PTPRK: variants seen among roughly 807,000 people sequenced by gnomAD.
PTPRK encodes receptor-type tyrosine-protein phosphatase kappa.
Under a neutral mutation model 178.0 loss-of-function variants are expected in PTPRK, and 75 were observed. The ratio of observed to expected loss-of-function variants is 0.42; its 90% CI spans 0.35 to 0.51. The LOEUF (loss-of-function observed/expected upper bound fraction) is 0.51. Ranked by LOEUF, PTPRK falls within the 20% of genes least tolerant of loss-of-function variation. The probability of loss-of-function intolerance (pLI) is 0.02; values close to 1 mark genes in which losing one functional copy is unlikely to be tolerated. For missense variants in PTPRK, 1,441 were observed against 1,797.8 expected, an observed-to-expected ratio of 0.80 and a Z score of 3.59; for synonymous variants, 637 against 620.6, an observed-to-expected ratio of 1.03 and a Z score of -0.39.
chr6:128,432,835 T>C (rs34741403), intron 1 of PTPRK, among the ~76,000 whole-genome samples: 1 of 152,142 alleles, frequency 6.6e-6, no homozygotes, highest in Non-Finnish European at 1.5e-5. Context: ...TTTTATTCGG[T>C]ATTTTCATTA....
intron 2 of PTPRK, among the ~76,000 whole-genome samples, chr6:128,376,144 T>C (rs552811637): frequency 2.0e-5 from 3 of 152,136 alleles, no homozygotes; most frequent in Non-Finnish European, 4.4e-5. Flanking sequence ...GGTGCCCCAG[T>C]AAGGTACTCA....
intron 1 of PTPRK, chr6:128,500,686 C>A (rs1488719016): frequency 6.6e-6 from 1 of 152,076 alleles, no homozygotes; most frequent in Non-Finnish European, 1.5e-5. Context: ...TTTATTAATT[C>A]TGAATATTAT....
intron 7 of PTPRK, among the ~76,000 whole-genome samples, chr6:128,180,383 T>G (rs901562240): frequency 1.3e-5 from 2 of 151,718 alleles, no homozygotes; most frequent in Non-Finnish European, 2.9e-5. Context: ...AATTAAAAAT[T>G]TATGAAGTGC....
At chr6:127,981,853 G>T (rs770488915) in intron 24 of PTPRK, among the ~76,000 whole-genome samples, 8 of 151,916 alleles carry the variant, frequency 5.3e-5, no homozygotes, top group Non-Finnish European at 8.8e-5. Flanking sequence ...TTTGAGACAG[G>T]GTCTTACTCT....
intron 5 of PTPRK, among the ~76,000 whole-genome samples, chr6:128,236,078 G>T (rs1435216542): frequency 1.3e-5 from 2 of 152,056 alleles, no homozygotes; most frequent in East Asian, 1.9e-4. Flanking sequence ...GTATATGTGG[G>T]GTTTGGTACT....
At position 128,030,743 on chromosome 6, in the gene PTPRK, C is replaced by T. The variant is rs1775179174; in HGVS notation, c.2195-21475G>A. Among the ~76,000 whole-genome samples, 3 of 152,146 alleles carry T rather than the reference C, an allele frequency of 2.0e-5. No homozygotes were observed. The South Asian group carries it at 6.2e-4, about 32-fold the overall frequency. On this transcript the variant is annotated intron_variant, in intron 13 of 29. Coordinates refer to ENST00000368226, the MANE Select transcript of PTPRK (RefSeq NM_002844.4). ...TTCTCTGTATAAAGCTTGTGCACAT[C>T]AGGCTTGCTTTTTTTCCCCCAAGTC...
chr6:128,179,783 ATAGAC>A (rs748120275), intron 7 of PTPRK, among the ~76,000 whole-genome samples: 14 of 152,070 alleles, frequency 9.2e-5, no homozygotes, highest in Non-Finnish European at 1.8e-4. Context: ...TGATGATGCT[ATAGAC>A]TAAAGGCTAA....
chr6:128,212,232 C>T (rs149022030), intron 6 of PTPRK, among the ~76,000 whole-genome samples: 2,156 of 151,870 alleles, frequency 0.014, 20 homozygotes, highest in African/African-American at 0.03. Flanking sequence ...ACTATGTATG[C>T]GATTTTTTTG....
At chr6:128,466,220 CT>C (rs1457104727) in intron 1 of PTPRK, among the ~76,000 whole-genome samples, 2 of 152,164 alleles carry the variant, frequency 1.3e-5, no homozygotes, top group Non-Finnish European at 2.9e-5. Context: ...ATAGTATCTA[CT>C]GCCAAGTCTT....
chr6:128,314,840 T>TAA (rs1187331995), intron 3 of PTPRK, among the ~76,000 whole-genome samples: 2 of 139,890 alleles, frequency 1.4e-5, no homozygotes, highest in African/African-American at 2.6e-5. Context: ...CACCACTATT[T>TAA]AAAAAAAAAA....
At chr6:128,207,047 T>C (rs1426251084) in intron 6 of PTPRK, among the ~76,000 whole-genome samples, 1 of 152,162 alleles carries the variant, frequency 6.6e-6, no homozygotes, top group Non-Finnish European at 1.5e-5. Flanking sequence ...GCAAAACCCT[T>C]TGGTTGCAAA....
In PTPRK at chr6:128,011,315, ATGATCCCTTAG is replaced by A. The variant is rs1276450133; in HGVS notation, c.2195-2058_2195-2048del. ...ACTTGGCTTTCAGGGGCTAATGATA[ATGATCCCTTAG>A]TGATTTTCTGACATATCTGAGTTAT... is the stretch of plus-strand genomic sequence containing the variant. On this transcript the variant is annotated intron_variant, in intron 13 of 29. Transcript: ENST00000368226. Among the ~76,000 whole-genome samples, 6 of 151,210 alleles carry A rather than the reference ATGATCCCTTAG, an allele frequency of 4.0e-5. No homozygotes were observed. In the Admixed American group the frequency reaches 4.0e-4, roughly 10 times the overall value.
In PTPRK at chr6:127,995,393, G is replaced by T. The variant is rs139135615; in HGVS notation, c.2844+69C>A. Reference sequence around the variant, plus strand: ...TTAAAAAGCTAGCAATCACTTTATAGGTAATAAGCAAAAAGGTTCATATAT... The same window carrying T: ...TTAAAAAGCTAGCAATCACTTTATATGTAATAAGCAAAAAGGTTCATATAT... On this transcript the variant is annotated intron_variant, in intron 18 of 29. Coordinates refer to ENST00000368226, the MANE Select transcript of PTPRK (RefSeq NM_002844.4). The T allele has an allele frequency of 9.2e-4, 1,367 of 1,483,688 alleles. 14 individuals are homozygous for T. The African/African-American group carries it at 0.013, about 14-fold the overall frequency. 91.9% of individuals were successfully genotyped at this position (1,483,688 alleles called of 1,614,324 possible).
At chr6:128,085,465 T>G (rs974223846) in intron 8 of PTPRK, among the ~76,000 whole-genome samples, 6 of 152,202 alleles carry the variant, frequency 3.9e-5, no homozygotes, top group African/African-American at 1.2e-4. Context: ...TCATAGAAGG[T>G]GGCTAATGGG....
chr6:128,435,934 A>G (rs1469961763), intron 1 of PTPRK, among the ~76,000 whole-genome samples: 1 of 152,020 alleles, frequency 6.6e-6, no homozygotes, highest in Non-Finnish European at 1.5e-5. Context: ...TAGTTTAATT[A>G]AATAAGTCAA....
In PTPRK at chr6:128,005,253, G is replaced by A. The variant is rs377674651; in HGVS notation, c.2334-9C>T. 2.8e-4 allele frequency: 448 copies of A among 1,610,508 alleles called. 1 individual carries two copies. In the African/African-American group the frequency reaches 5.4e-3, roughly 19 times the overall value. On this transcript the variant is annotated splice_polypyrimidine_tract_variant and intron_variant, in intron 14 of 29. Transcript: ENST00000368226. ...GTTTTTTAGCAAGTTTGCTGCCAAG[G>A]CAAATACAAAAGGGCATCCTTAGTG...
intron 1 of PTPRK, among the ~76,000 whole-genome samples, chr6:128,442,936 G>T (rs997376494): frequency 2.0e-5 from 3 of 152,098 alleles, no homozygotes; most frequent in Admixed American, 2.0e-4. Context: ...TATTGTAAAA[G>T]GAATTTGAAT....
intron 3 of PTPRK, among the ~76,000 whole-genome samples, chr6:128,286,410 C>A (rs72967026): frequency 0.066 from 10,105 of 152,050 alleles, 376 homozygotes; most frequent in Non-Finnish European, 0.07. Flanking sequence ...AATCTTTTTT[C>A]ACATTTTTTT....
At position 128,464,612 on chromosome 6, in the gene PTPRK, TAC is replaced by T. The variant is rs1196416722; in HGVS notation, c.100+55645_100+55646del. 5.7e-4 allele frequency among the ~76,000 whole-genome samples: 65 copies of T among 113,724 alleles called. 1 individual carries two copies. The highest frequency in any genetic ancestry group is 2.2e-3 in the African/African-American group (62 of 28,198). 74.6% of individuals were successfully genotyped at this position (113,724 alleles called of 152,430 possible). The stretch of plus-strand genomic sequence containing the variant: ...TTATTTTAGTTTAAATATATATATA[TAC>T]ATATACATATATATATATATACACA... On this transcript the variant is annotated intron_variant, in intron 1 of 29. Transcript: ENST00000368226.
Sources: allele counts gnomAD v4.1 joint callset (sites outside exome capture counted in the v4.1 genomes callset), GRCh38; gene constraint gnomAD v4.1.1; transcripts MANE v1.5; gene names NCBI Gene and HGNC (gene_info 2026-07-23, HGNC 2026-07-21).